Variants in PXDNL observed in about 807,000 individuals in gnomAD.
PXDNL encodes the protein probable oxidoreductase PXDNL.
In PXDNL, 145 loss-of-function variants were observed where a neutral mutation model predicts 150.8. That is an observed-to-expected ratio of 0.96 (90% CI 0.84 to 1.10). The LOEUF is 1.10. PXDNL is among the 50% of genes least tolerant of loss of function. The pLI is 0.00. For synonymous variants in PXDNL, 757 were observed against 725.7 expected (o/e 1.04, Z -0.69); for missense variants, 2,087 against 1,873.9 (o/e 1.11, Z -2.10).
At chr8:51,723,201 T>G (rs544673131) in intron 1 of PXDNL, among the ~76,000 whole-genome samples, 27 of 60,206 alleles carry the variant, frequency 4.5e-4, no homozygotes, top group Admixed American at 6.2e-4. Flanking sequence ...CTGGATAGTA[T>G]TCAGAAAAAA....
At chr8:51,703,476 C>T (rs1025021441) in intron 1 of PXDNL, among the ~76,000 whole-genome samples, 3 of 152,182 alleles carry the variant, frequency 2.0e-5, no homozygotes, top group Non-Finnish European at 4.4e-5. Context: ...TGCCAACAAT[C>T]TCAGGATTTG....
intron 17 of PXDNL, among the ~76,000 whole-genome samples, chr8:51,381,840 G>A (rs1807559654): frequency 6.6e-6 from 1 of 150,992 alleles, no homozygotes; most frequent in Non-Finnish European, 1.5e-5. Flanking sequence ...TTGACCAGAG[G>A]CCCAAAAGAT....
chr8:51,737,323 C>T (rs139039558), intron 1 of PXDNL, among the ~76,000 whole-genome samples: 1,698 of 152,262 alleles, frequency 0.011, 37 homozygotes, highest in African/African-American at 0.039. Flanking sequence ...TTTTGTTCTG[C>T]GACTTCATAT....
chr8:51,630,687 A>G (rs111240430), intron 2 of PXDNL, among the ~76,000 whole-genome samples: 1 of 152,262 alleles, frequency 6.6e-6, no homozygotes, highest in Non-Finnish European at 1.5e-5. Flanking sequence ...AAAATGCTCA[A>G]CATCACTAAT....
intron 17 of PXDNL, among the ~76,000 whole-genome samples, chr8:51,381,662 A>C (rs1586054509): frequency 1.2e-5 from 1 of 83,424 alleles, no homozygotes; most frequent in South Asian, 4.0e-4. Flanking sequence ...TTATTTATTT[A>C]TTTATTTTTG....
At chr8:51,718,091 G>A (rs1434125672) in intron 1 of PXDNL, among the ~76,000 whole-genome samples, 1 of 152,082 alleles carries the variant, frequency 6.6e-6, no homozygotes. Flanking sequence ...TAAATGTCTT[G>A]CTTTTGACAC....
intron 1 of PXDNL, among the ~76,000 whole-genome samples, chr8:51,657,319 A>T (rs1815171993): frequency 6.6e-6 from 1 of 152,218 alleles, no homozygotes; most frequent in African/African-American, 2.4e-5. Context: ...ATATAGGCAA[A>T]TTTAAAATAT....
At chr8:51,411,590 C>G (rs1808652854) in intron 15 of PXDNL, among the ~76,000 whole-genome samples, 183 bp from the exon 16 acceptor site, 1 of 152,088 alleles carries the variant, frequency 6.6e-6, no homozygotes, top group Admixed American at 6.5e-5. Context: ...ACAACTTATT[C>G]CAAATGTTAG....
intron 8 of PXDNL, among the ~76,000 whole-genome samples, chr8:51,460,288 C>T (rs946794524): frequency 3.3e-5 from 5 of 150,250 alleles, no homozygotes; most frequent in African/African-American, 1.2e-4. Context: ...AAACCACCAT[C>T]AACCACAAAT....
At chr8:51,460,820 C>T (rs1489443752) in intron 8 of PXDNL, among the ~76,000 whole-genome samples, 1 of 152,130 alleles carries the variant, frequency 6.6e-6, no homozygotes, top group Non-Finnish European at 1.5e-5. Context: ...GTTTTACACA[C>T]GGGGCAACTC....
intron 19 of PXDNL, among the ~76,000 whole-genome samples, chr8:51,352,128 C>G (rs898112644): frequency 6.6e-6 from 1 of 152,016 alleles, no homozygotes; most frequent in African/African-American, 2.4e-5. Context: ...TCGACTTACT[C>G]TCATGAATCA....
chr8:51,734,577 T>G (rs780026132), intron 1 of PXDNL, among the ~76,000 whole-genome samples: 1 of 152,190 alleles, frequency 6.6e-6, no homozygotes, highest in African/African-American at 2.4e-5. Context: ...ATAAAAGACA[T>G]AGACAATAAA....
At chr8:51,618,753 C>T (rs1563485427) in intron 2 of PXDNL, among the ~76,000 whole-genome samples, 1 of 152,194 alleles carries the variant, frequency 6.6e-6, no homozygotes, top group Non-Finnish European at 1.5e-5. Flanking sequence ...ATCCCAGATC[C>T]AGGTCCACCC....
intron 1 of PXDNL, among the ~76,000 whole-genome samples, chr8:51,708,985 G>C (rs1180391139): frequency 6.6e-6 from 1 of 151,996 alleles, no homozygotes; most frequent in Admixed American, 6.6e-5. Context: ...ACATGTTTGG[G>C]GATTCCAGCC....
intron 4 of PXDNL, among the ~76,000 whole-genome samples, chr8:51,528,179 C>A (rs139562870): frequency 8.5e-5 from 13 of 152,196 alleles, no homozygotes; most frequent in African/African-American, 3.1e-4. Flanking sequence ...CAACAGACCC[C>A]GCTTCTCCTG....
At chr8:51,598,613 T>A (rs1813625712) in intron 2 of PXDNL, among the ~76,000 whole-genome samples, 1 of 152,142 alleles carries the variant, frequency 6.6e-6, no homozygotes, top group African/African-American at 2.4e-5. Context: ...GTGAACTAAT[T>A]TTTTGATGTG....
At chr8:51,368,456 T>C (rs1309315170) in intron 19 of PXDNL, among the ~76,000 whole-genome samples, 2 of 152,064 alleles carry the variant, frequency 1.3e-5, no homozygotes, top group African/African-American at 4.8e-5. Flanking sequence ...TTTAAAAAAA[T>C]GTAGTTAAAT....
chr8:51,521,473 A>C lies in PXDNL; in HGVS notation c.381-21703T>G, dbSNP rs72638047. 4.3e-3 allele frequency among the ~76,000 whole-genome samples: 659 copies of C among 152,260 alleles called. 4 individuals are homozygous for C. Among genetic ancestry groups the C allele is most frequent in the Non-Finnish European group, 7.4e-3 (505 of 68,014 alleles). On this transcript the variant is annotated intron_variant, in intron 4 of 22. Transcript: ENST00000356297. ...ACTCAAAGAGAACTGAATTAAAATA[A>C]TAATAATAAACAGATATCCAAGAAA... is the stretch of plus-strand genomic sequence containing the variant.
At chr8:51,579,045 C>G (rs567071956) in intron 3 of PXDNL, among the ~76,000 whole-genome samples, 1 of 152,024 alleles carries the variant, frequency 6.6e-6, no homozygotes, top group East Asian at 1.9e-4. Context: ...GATGGATAGG[C>G]AGGAAAAGAA....
Sources: allele counts gnomAD v4.1 joint callset (sites outside exome capture counted in the v4.1 genomes callset), GRCh38; gene constraint gnomAD v4.1.1; transcripts MANE v1.5; gene names NCBI Gene and HGNC (gene_info 2026-07-23, HGNC 2026-07-21).